Variants in VPS13D observed in about 807,000 individuals in gnomAD.
VPS13D encodes vacuolar protein sorting 13 homolog D.
A neutral mutation model predicts 461.9 loss-of-function variants in VPS13D; 187 were observed. The ratio of observed to expected loss-of-function variants is 0.40; its 90% CI spans 0.36 to 0.46. VPS13D has a LOEUF of 0.46. Ranked by LOEUF, VPS13D falls within the 20% of genes least tolerant of loss-of-function variation. The pLI is 0.60. For synonymous variants in VPS13D, 1,951 were observed against 1,986.3 expected (o/e 0.98, Z 0.47); for missense variants, 4,711 against 5,364.9 (o/e 0.88, Z 3.81).
chr1:12,257,111 T>A, intron 9 of VPS13D, 24 bp downstream of exon 9: 2 of 1,597,112 alleles, frequency 1.3e-6, no homozygotes, highest in South Asian at 2.2e-5. Context: ...AGTGTGGTCA[T>A]GAAATTCATG....
At chr1:12,461,054 CT>C (rs1485638561) in intron 67 of VPS13D, among the ~76,000 whole-genome samples, 1 of 152,202 alleles carries the variant, frequency 6.6e-6, no homozygotes, top group African/African-American at 2.4e-5. Flanking sequence ...CAGAACCCAA[CT>C]GCTTTAACGT....
At chr1:12,400,958 GCGCGCACACACACACACACACA>G (rs1296713248) in intron 61 of VPS13D, among the ~76,000 whole-genome samples, 1 of 80,438 alleles carries the variant, frequency 1.2e-5, no homozygotes, top group African/African-American at 4.9e-5. Flanking sequence ...GCACCTGCGC[GCGCGCACACACACACACACACA>G]CACACACACA....
intron 68 of VPS13D, among the ~76,000 whole-genome samples, chr1:12,501,718 A>T (rs1315957629): frequency 6.6e-6 from 1 of 152,258 alleles, no homozygotes; most frequent in Non-Finnish European, 1.5e-5. Context: ...GGGGAAGCAG[A>T]CACTGTATTA....
In VPS13D at chr1:12,330,346, C is replaced by T. The variant is rs1022809357; in HGVS notation, c.8287+428C>T. On this transcript the variant is annotated intron_variant, in intron 37 of 69. Coordinates refer to ENST00000620676, the MANE Select transcript of VPS13D (RefSeq NM_015378.4). ...AGGAGAATCACTTGAACCCGGCAGG[C>T]GGAGGTTGCAGTGAGCTGAGATCAC... 7.9e-5 allele frequency among the ~76,000 whole-genome samples: 12 copies of T among 152,034 alleles called. 1 individual carries two copies. The South Asian group carries it at 2.1e-3, about 26-fold the overall frequency.
chr1:12,389,570 TG>T (rs1409340262), intron 60 of VPS13D, among the ~76,000 whole-genome samples: 1 of 152,146 alleles, frequency 6.6e-6, no homozygotes, highest in Non-Finnish European at 1.5e-5. Context: ...TTAGTACAAG[TG>T]TATACATGCA....
intron 40 of VPS13D, among the ~76,000 whole-genome samples, chr1:12,338,737 G>GA (rs1219266213): frequency 6.6e-6 from 1 of 151,838 alleles, no homozygotes; most frequent in African/African-American, 2.4e-5. Context: ...AGGGATAGCG[G>GA]AAAAAAAATT....
Position 12,352,965 on chromosome 1 carries a change from CAAAAAAAAAAAAA to C in VPS13D, c.9432-990_9432-978del, listed in dbSNP as rs61588046. On this transcript the variant is annotated intron_variant, in intron 46 of 69. Coordinates refer to ENST00000620676, the MANE Select transcript of VPS13D (RefSeq NM_015378.4). ...GGGCAATAAGAGTGAAACTCAGTCTCAAAAAAAAAAAAAAAAAAAAAAAAAAAAAAAGGACCCA... is the reference window on the plus strand; with the variant it reads ...GGGCAATAAGAGTGAAACTCAGTCTCAAAAAAAAAAAAAAAAAAGGACCCA... 9.4e-3 allele frequency among the ~76,000 whole-genome samples: 165 copies of C among 17,592 alleles called. 1 individual carries two copies. Among genetic ancestry groups the C allele is most frequent in the African/African-American group, 0.026 (133 of 5,106 alleles). 11.5% of individuals were successfully genotyped at this position (17,592 alleles called of 152,430 possible).
intron 43 of VPS13D, among the ~76,000 whole-genome samples, chr1:12,346,168 A>G (rs1234255788): frequency 2.6e-5 from 4 of 152,246 alleles, no homozygotes; most frequent in Non-Finnish European, 4.4e-5. Context: ...GGAAATGCAG[A>G]CGTGCAGAGA....
chr1:12,278,266 A>G (rs981489367), intron 19 of VPS13D, among the ~76,000 whole-genome samples: 1 of 152,034 alleles, frequency 6.6e-6, no homozygotes, highest in Non-Finnish European at 1.5e-5. Context: ...ACTTACTTTT[A>G]TTTTTATTTT....
At chr1:12,382,444 A>G (rs760520420) in intron 57 of VPS13D, among the ~76,000 whole-genome samples, 6 of 152,144 alleles carry the variant, frequency 3.9e-5, no homozygotes, top group East Asian at 1.9e-4. Context: ...GTATCAGGTG[A>G]CATTCTCAAC....
At chr1:12,332,731 ATTATT>A (rs1643361777) in intron 37 of VPS13D, among the ~76,000 whole-genome samples, 1 of 152,176 alleles carries the variant, frequency 6.6e-6, no homozygotes, top group Non-Finnish European at 1.5e-5. Context: ...TGTTAGTGGT[ATTATT>A]TTATATGTTG....
chr1:12,483,948 A>G (rs1645759321), intron 67 of VPS13D, among the ~76,000 whole-genome samples: 1 of 151,360 alleles, frequency 6.6e-6, no homozygotes, highest in African/African-American at 2.4e-5. Flanking sequence ...CAGTGAGCCG[A>G]GATGGTGCCA....
At position 12,403,840 on chromosome 1, in the gene VPS13D, A is replaced by G; in HGVS notation, c.11897A>G (p.Asp3966Gly). ...DQAESEVEKY[D>G]ENLHEKTAEQ... ...TTTGTACCAGAGGTGGAAAAATATGATGAAAACCTCCATGAAAAGACAGCT... is the reference window on the plus strand; with the variant it reads ...TTTGTACCAGAGGTGGAAAAATATGGTGAAAACCTCCATGAAAAGACAGCT... The change falls in exon 63 of 70, where the codon GAT becomes GGT. Residue 3966 changes from aspartate to glycine, a missense_variant. By Grantham distance (94) the Asp-to-Gly change is moderately conservative. This residue lies in a region of VPS13D where 4,411 missense variants were observed against 4,937.8 expected (regional missense o/e 0.89). Coordinates refer to ENST00000620676, the MANE Select transcript of VPS13D (RefSeq NM_015378.4). 1 of 1,600,472 alleles carries G rather than the reference A, an allele frequency of 6.2e-7. No individual in the cohort carries two copies. The highest frequency in any genetic ancestry group is 8.5e-7 in the Non-Finnish European group (1 of 1,176,342).
intron 13 of VPS13D, among the ~76,000 whole-genome samples, chr1:12,262,681 C>G (rs1641147233): frequency 6.6e-6 from 1 of 151,738 alleles, no homozygotes; most frequent in South Asian, 2.1e-4. Flanking sequence ...ATATGAAATG[C>G]ATTTTTGACT....
At chr1:12,484,231 A>T (rs897569337) in intron 67 of VPS13D, among the ~76,000 whole-genome samples, 1 of 152,174 alleles carries the variant, frequency 6.6e-6, no homozygotes, top group African/African-American at 2.4e-5. Context: ...CTTCCCAGGA[A>T]GCCCGTCCTA....
Position 12,311,582 on chromosome 1 carries a change from A to G in VPS13D, c.6779A>G (p.Glu2260Gly), listed in dbSNP as rs766853349. 2 of 1,614,204 alleles carry G rather than the reference A, an allele frequency of 1.2e-6. No individual in the cohort carries two copies. Among genetic ancestry groups the G allele is most frequent in the Non-Finnish European group, 1.7e-6 (2 of 1,180,028 alleles). Residue 2260 changes from glutamate (E) to glycine (G), a missense_variant, in exon 28 of 70, where the codon GAG (glutamate) becomes GGG (glycine). Physicochemically the swap from Glu to Gly is moderately conservative, Grantham distance 98 (BLOSUM62 -2). Around this residue, in one of 3 missense-constraint regions of VPS13D, gnomAD observed 4,411 missense variants for 4,937.8 expected, o/e 0.89. Transcript: ENST00000620676. ...GAGAACAACCTGGGAGAACCCATAGAGGAATTTATGCGGCCTTATGATTTA... is the reference window on the plus strand; with the variant it reads ...GAGAACAACCTGGGAGAACCCATAGGGGAATTTATGCGGCCTTATGATTTA... The part of the protein sequence containing the change: ...LLENNLGEPI[E>G]EFMRPYDLQD...
chr1:12,301,817 G>A (rs997917621), intron 25 of VPS13D, among the ~76,000 whole-genome samples: 3 of 152,158 alleles, frequency 2.0e-5, no homozygotes, highest in African/African-American at 7.2e-5. Flanking sequence ...CAGTTATCTC[G>A]TTAACATACA....
intron 65 of VPS13D, among the ~76,000 whole-genome samples, chr1:12,417,714 G>T (rs1644813212): frequency 6.6e-6 from 1 of 152,132 alleles, no homozygotes; most frequent in Non-Finnish European, 1.5e-5. Context: ...TAAGAGAGTC[G>T]AGTTGAATAG....
rs374362525 is a variant in VPS13D, at chr1:12,369,672, T to C, written c.10778T>C (p.Ile3593Thr). Residue 3593 changes from isoleucine (I) to threonine (T), a missense_variant, in exon 54 of 70, where the codon ATT (isoleucine) becomes ACT (threonine). Around this residue, in one of 3 missense-constraint regions of VPS13D, gnomAD observed 4,411 missense variants for 4,937.8 expected, o/e 0.89. Transcript: ENST00000620676. ...DNRQLYYENF[I>T]YIAATYTFSG... ...CGGCAGCTTTATTATGAAAATTTCA[T>C]TTACATTGCTGCTACATATACATTC... The C allele has an allele frequency of 3.7e-6, 6 of 1,614,094 alleles. No individual in the cohort carries two copies. The African/African-American group carries it at 8.0e-5, about 22-fold the overall frequency.
Sources: gnomAD v4.1 joint callset for allele counts (sites outside exome capture counted in the v4.1 genomes callset) on GRCh38, gnomAD v4.1.1 for gene constraint, gnomAD v4.1.1 regional missense constraint, MANE v1.5 for transcripts, NCBI Gene and HGNC (gene_info 2026-07-23, HGNC 2026-07-21) for gene names.